Variants in TMEM108 observed in about 807,000 individuals in gnomAD.
TMEM108 encodes cancer/testis antigen 124.
In TMEM108, 12 loss-of-function variants were observed where a neutral mutation model predicts 35.1. The observed-to-expected ratio is 0.34, with a 90% CI of 0.22 to 0.55. The LOEUF is 0.55. Ranked by LOEUF, TMEM108 falls within the 20% of genes least tolerant of loss-of-function variation. The pLI, the probability that TMEM108 is intolerant of heterozygous loss-of-function variation, is 0.89. For synonymous variants in TMEM108, 287 were observed against 308.6 expected (o/e 0.93, Z 0.73); for missense variants, 680 against 753.3 (o/e 0.90, Z 1.14).
At chr3:133,067,924 G>T (rs74361564) in intron 2 of TMEM108, among the ~76,000 whole-genome samples, 2 of 151,972 alleles carry the variant, frequency 1.3e-5, no homozygotes, top group South Asian at 4.2e-4. Context: ...AAAGAAACTG[G>T]AAAGTCCAAG....
chr3:133,142,634 C>T (rs1330648264), intron 2 of TMEM108, among the ~76,000 whole-genome samples: 4 of 152,134 alleles, frequency 2.6e-5, no homozygotes, highest in Admixed American at 2.6e-4. Flanking sequence ...AGAAATCAGG[C>T]CTTACAAGTA....
At chr3:133,117,255 A>G (rs1944298899) in intron 2 of TMEM108, among the ~76,000 whole-genome samples, 1 of 152,188 alleles carries the variant, frequency 6.6e-6, no homozygotes. Context: ...CCAGGAAACC[A>G]TCCCATCTGA....
chr3:133,128,007 G>T (rs1475819225), intron 2 of TMEM108, among the ~76,000 whole-genome samples: 3 of 152,202 alleles, frequency 2.0e-5, no homozygotes, highest in Non-Finnish European at 2.9e-5. Context: ...AATCAGACCT[G>T]TGAAACTTAA....
chr3:133,226,526 A>G (rs1946073554), intron 2 of TMEM108, among the ~76,000 whole-genome samples: 2 of 152,064 alleles, frequency 1.3e-5, no homozygotes, highest in East Asian at 1.9e-4. Flanking sequence ...TGTGAGTTCT[A>G]AGATCACTGT....
At chr3:133,283,946 C>T (rs6766263) in intron 3 of TMEM108, among the ~76,000 whole-genome samples, 48,469 of 151,918 alleles carry the variant, frequency 0.32, 8,525 homozygotes, top group East Asian at 0.48. Flanking sequence ...AGGTAGCAAA[C>T]GTGGACAAGC....
At chr3:133,147,155 G>T (rs558508847) in intron 2 of TMEM108, among the ~76,000 whole-genome samples, 1 of 152,214 alleles carries the variant, frequency 6.6e-6, no homozygotes, top group East Asian at 1.9e-4. Context: ...ATTCTGTTAC[G>T]TTGTGTCTTT....
intron 3 of TMEM108, among the ~76,000 whole-genome samples, chr3:133,231,649 C>T (rs1445479308): frequency 2.6e-5 from 4 of 152,128 alleles, no homozygotes; most frequent in Non-Finnish European, 5.9e-5. Context: ...AACAGTAACT[C>T]AGGGGAAGAG....
chr3:133,144,027 C>G lies in TMEM108; in HGVS notation c.-46-85239C>G, dbSNP rs570558501. ...TGGGGTACATGTGCAGAACGTGCAGCTTTGTTACATAGGTATACACATGCC... is the reference window on the plus strand; with the variant it reads ...TGGGGTACATGTGCAGAACGTGCAGGTTTGTTACATAGGTATACACATGCC... On this transcript the variant is annotated intron_variant, in intron 2 of 5. Coordinates refer to ENST00000321871, the MANE Select transcript of TMEM108 (RefSeq NM_023943.4). 2.7e-5 allele frequency among the ~76,000 whole-genome samples: 4 copies of G among 150,180 alleles called. 1 individual carries two copies. The highest frequency in any genetic ancestry group is 9.9e-5 in the African/African-American group (4 of 40,594).
At chr3:133,181,645 G>T (rs1040479645) in intron 2 of TMEM108, among the ~76,000 whole-genome samples, 2 of 152,128 alleles carry the variant, frequency 1.3e-5, no homozygotes, top group African/African-American at 4.8e-5. Context: ...CATATGGGGG[G>T]TTGTCAAGGA....
At chr3:133,174,189 C>A (rs1945174622) in intron 2 of TMEM108, among the ~76,000 whole-genome samples, 1 of 152,378 alleles carries the variant, frequency 6.6e-6, no homozygotes, top group South Asian at 2.1e-4. Context: ...GAAGCTCAAA[C>A]TGGGTGGAGC....
chr3:133,328,874 T>C (rs142432801), intron 3 of TMEM108, among the ~76,000 whole-genome samples: 327 of 152,224 alleles, frequency 2.1e-3, no homozygotes, highest in African/African-American at 7.5e-3. Context: ...TTGGGAGTGG[T>C]TGGAAGGAAT....
chr3:133,352,953 T>C (rs2072048956), intron 3 of TMEM108, among the ~76,000 whole-genome samples: 1 of 152,192 alleles, frequency 6.6e-6, no homozygotes, highest in South Asian at 2.1e-4. Context: ...AATCACTTGG[T>C]TGGTTCCCCT....
chr3:133,107,695 A>G (rs967711148), intron 2 of TMEM108, among the ~76,000 whole-genome samples: 3 of 152,102 alleles, frequency 2.0e-5, no homozygotes, highest in African/African-American at 2.4e-5. Context: ...TACCCAGGAG[A>G]AATTGGGTGA....
At chr3:133,389,514 T>G in intron 4 of TMEM108, 1 of 487,232 alleles carries the variant, frequency 2.1e-6, no homozygotes, top group Non-Finnish European at 2.7e-6. Flanking sequence ...CAAAACCCTG[T>G]CTCTACTAAA....
At chr3:133,197,711 AGGC>A (rs1945599729) in intron 2 of TMEM108, among the ~76,000 whole-genome samples, 1 of 152,164 alleles carries the variant, frequency 6.6e-6, no homozygotes, top group Non-Finnish European at 1.5e-5. Flanking sequence ...TATGAGTTGA[AGGC>A]TGTATGGAAC....
rs1459102777 is a variant in TMEM108 at position 133,115,233 on chromosome 3, T to TA, written c.-47+69218dup. Reference sequence around the variant, plus strand: ...ATCTTTAACTTTTCAAAATGAATTCTAAAAACCACACAACTGGAGGACATT... The same window carrying TA: ...ATCTTTAACTTTTCAAAATGAATTCTAAAAAACCACACAACTGGAGGACATT... On this transcript the variant is annotated intron_variant, in intron 2 of 5. Coordinates refer to ENST00000321871, the MANE Select transcript of TMEM108 (RefSeq NM_023943.4). Among the ~76,000 whole-genome samples, 3 of 152,218 alleles carry TA rather than the reference T, an allele frequency of 2.0e-5. No homozygotes were observed. The East Asian group carries it at 5.8e-4, about 29-fold the overall frequency.
At chr3:133,121,961 AAGAAG>A (rs1252536476) in intron 2 of TMEM108, among the ~76,000 whole-genome samples, 13 of 152,202 alleles carry the variant, frequency 8.5e-5, no homozygotes, top group Non-Finnish European at 8.8e-5. Context: ...GTTGCCAGTG[AAGAAG>A]AGAAGTTTCT....
At chr3:133,146,265 T>C (rs1166401976) in intron 2 of TMEM108, among the ~76,000 whole-genome samples, 1 of 152,252 alleles carries the variant, frequency 6.6e-6, no homozygotes, top group Non-Finnish European at 1.5e-5. Context: ...ATGGATTACA[T>C]TGATTGATTT....
intron 3 of TMEM108, among the ~76,000 whole-genome samples, chr3:133,338,286 A>G (rs2071558237): frequency 6.6e-6 from 1 of 152,198 alleles, no homozygotes; most frequent in African/African-American, 2.4e-5. Flanking sequence ...AACGTCAAGG[A>G]TAAAGAAAGG....
Sources: gnomAD v4.1 joint callset for allele counts (sites outside exome capture counted in the v4.1 genomes callset) on GRCh38, gnomAD v4.1.1 for gene constraint, MANE v1.5 for transcripts, NCBI Gene and HGNC (gene_info 2026-07-23, HGNC 2026-07-21) for gene names.